SLC2A9: variants seen among roughly 807,000 people sequenced by gnomAD.
The protein encoded by SLC2A9 is solute carrier family 2 member 9.
SLC2A9 carries 39 observed loss-of-function variants against 50.6 expected under a neutral mutation model. The observed-to-expected ratio is 0.77, with a 90% confidence interval of 0.60 to 1.01. SLC2A9 has a LOEUF of 1.01. Ranked by LOEUF, SLC2A9 falls within the 50% of genes least tolerant of loss-of-function variation. The probability of loss-of-function intolerance (pLI) is 0.00; values close to 1 mark genes in which losing one functional copy is unlikely to be tolerated. For missense variants in SLC2A9, 686 were observed against 677.6 expected (o/e 1.01, Z -0.14); for synonymous variants, 324 against 276.9 (o/e 1.17, Z -1.69).
At chr4:9,955,217 G>A (rs1384409954) in intron 5 of SLC2A9, among the ~76,000 whole-genome samples, 1 of 43,452 alleles carries the variant, frequency 2.3e-5, no homozygotes, top group Non-Finnish European at 4.5e-5. Context: ...AGTCGGCCGG[G>A]CGCGGTGGCT....
rs771252628 is a variant in SLC2A9 at position 9,782,076 on chromosome 4, C to T, written n.386-2011G>A. On this transcript the variant is annotated intron_variant and non_coding_transcript_variant, in intron 3 of 3. Coordinates refer to the SLC2A9 transcript ENST00000503803. Reference sequence around the variant, plus strand: ...GGCACCGCGTACCCGGGGCAGTTCGCTCTATACCAGCAGCTGGCGCAGGGG... The same window carrying T: ...GGCACCGCGTACCCGGGGCAGTTCGTTCTATACCAGCAGCTGGCGCAGGGG... 3 of 1,514,844 alleles carry T rather than the reference C, an allele frequency of 2.0e-6. No individual in the cohort carries two copies. Among genetic ancestry groups the T allele is most frequent in the South Asian group, 1.3e-5 (1 of 75,668 alleles). 93.8% of individuals were successfully genotyped at this position (1,514,844 alleles called of 1,614,324 possible).
At chr4:9,972,578 T>G (rs1288967517) in intron 5 of SLC2A9, among the ~76,000 whole-genome samples, 1 of 152,122 alleles carries the variant, frequency 6.6e-6, no homozygotes, top group Non-Finnish European at 1.5e-5. Flanking sequence ...TCAAAAGAAT[T>G]AAACTCATAC....
intron 1 of SLC2A9, among the ~76,000 whole-genome samples, chr4:10,020,037 TGA>T (rs1259164885): frequency 8.7e-6 from 1 of 115,512 alleles, no homozygotes; most frequent in Non-Finnish European, 1.8e-5. Flanking sequence ...GACATATTTG[TGA>T]GTGTGTGTGT....
chr4:9,780,016 A>G (rs377635823), exon 4 of SLC2A9: 3 of 152,648 alleles, frequency 2.0e-5, no homozygotes, highest in East Asian at 3.9e-4. Context: ...TGGTGGCGGC[A>G]GCTTGAATCC....
intron 3 of SLC2A9, among the ~76,000 whole-genome samples, chr4:9,802,426 C>T (rs992901009): frequency 5.3e-5 from 8 of 151,992 alleles, no homozygotes; most frequent in African/African-American, 1.7e-4. Context: ...CAGCGCCATA[C>T]TTGGGAAGGA....
chr4:10,020,039 A>AGTGTGTGTGT (rs112964589), intron 1 of SLC2A9, among the ~76,000 whole-genome samples: 6,813 of 148,022 alleles, frequency 0.046, 197 homozygotes, highest in Non-Finnish European at 0.071. Flanking sequence ...CATATTTGTG[A>AGTGTGTGTGT]GTGTGTGTGT....
intron 10 of SLC2A9, among the ~76,000 whole-genome samples, chr4:9,835,918 C>T (rs1726999683): frequency 6.6e-6 from 1 of 151,790 alleles, no homozygotes; most frequent in Non-Finnish European, 1.5e-5. Flanking sequence ...GAAACCCCAT[C>T]TCTACTAAAA....
At chr4:9,928,351 C>T (rs1745287435) in intron 6 of SLC2A9, among the ~76,000 whole-genome samples, 1 of 152,164 alleles carries the variant, frequency 6.6e-6, no homozygotes, top group African/African-American at 2.4e-5. Flanking sequence ...AAGTAGCAAC[C>T]TTTTATAAGA....
Position 9,782,280 on chromosome 4 carries a change from C to T in SLC2A9, n.386-2215G>A. On this transcript the variant is annotated intron_variant and non_coding_transcript_variant, in intron 3 of 3. Transcript: ENST00000503803. ...ACCAACGTCTTCATCGTGTCTCTGG[C>T]CGTGTCAGACCTTTTCGTGGCGCTG... 2 of 1,613,948 alleles carry T rather than the reference C, an allele frequency of 1.2e-6. No homozygotes were observed. The highest frequency in any genetic ancestry group is 2.2e-5 in the East Asian group (1 of 44,884).
At position 9,885,070 on chromosome 4, in the gene SLC2A9, T is replaced by C. The variant is rs182854215; in HGVS notation, c.1291+2497A>G. On this transcript the variant is annotated intron_variant, in intron 10 of 11. Transcript: ENST00000264784. ...ATCAGGAAAAATAGCTAATGCAGGC[T>C]GGGCTTAATACCTTAATTGCTGTCG... is the stretch of plus-strand genomic sequence containing the variant. 2.6e-3 allele frequency among the ~76,000 whole-genome samples: 392 copies of C among 152,254 alleles called. 3 individuals carry two copies. Among genetic ancestry groups the C allele is most frequent in the African/African-American group, 9.1e-3 (380 of 41,542 alleles).
rs184615219 is a variant in SLC2A9, at chr4:9,907,101, G to A, written c.1113+1134C>T. On this transcript the variant is annotated intron_variant, in intron 8 of 11. Coordinates refer to ENST00000264784, the MANE Select transcript of SLC2A9 (RefSeq NM_020041.3). ...ATCAATCTTGTCAGTGCAAATCAGT[G>A]AGCAAGAGTGAAAATAAATGAACTA... 2.6e-5 allele frequency among the ~76,000 whole-genome samples: 4 copies of A among 152,354 alleles called. No homozygotes were observed. The East Asian group carries it at 7.7e-4, about 29-fold the overall frequency.
chr4:9,809,537 C>G (rs1415235535), intron 3 of SLC2A9, among the ~76,000 whole-genome samples: 1 of 152,290 alleles, frequency 6.6e-6, no homozygotes, highest in Middle Eastern at 3.4e-3. Context: ...CGTGGAAAGG[C>G]TGGAGAGAAG....
intron 1 of SLC2A9, chr4:9,771,488 G>T (rs1203702908): frequency 2.5e-6 from 1 of 398,704 alleles, no homozygotes; most frequent in Non-Finnish European, 4.4e-6. Context: ...CAACACAACT[G>T]CCAAAGAGTC....
At chr4:9,954,573 T>G (rs1750878897) in intron 5 of SLC2A9, among the ~76,000 whole-genome samples, 1 of 152,190 alleles carries the variant, frequency 6.6e-6, no homozygotes, top group Admixed American at 6.5e-5. Flanking sequence ...TTTTTCTCCC[T>G]CTTCCTCTGG....
intron 10 of SLC2A9, among the ~76,000 whole-genome samples, chr4:9,881,877 G>C (rs1389096628): frequency 2.6e-5 from 4 of 152,182 alleles, no homozygotes; most frequent in Admixed American, 6.5e-5. Context: ...CCCCTGGAAG[G>C]TTTCCTCATC....
intron 3 of SLC2A9, chr4:9,782,710 C>G: frequency 6.2e-7 from 1 of 1,614,032 alleles, no homozygotes; most frequent in South Asian, 1.1e-5. Flanking sequence ...CCTACGCCAT[C>G]TCTTCCTCGC....
intron 3 of SLC2A9, among the ~76,000 whole-genome samples, chr4:9,800,536 G>A (rs568305917): frequency 7.9e-5 from 12 of 152,218 alleles, no homozygotes; most frequent in South Asian, 2.1e-4. Flanking sequence ...CCTTGGTCTC[G>A]GACATCTATC....
intron 5 of SLC2A9, among the ~76,000 whole-genome samples, chr4:9,969,143 T>C (rs1325403805): frequency 6.6e-6 from 1 of 152,176 alleles, no homozygotes; most frequent in African/African-American, 2.4e-5. Context: ...AGATATTAAA[T>C]AATTAGGCTT....
chr4:9,844,685 G>A (rs1976792), intron 10 of SLC2A9, among the ~76,000 whole-genome samples: 20,562 of 152,246 alleles, frequency 0.14, 1,699 homozygotes, highest in Admixed American at 0.23. Flanking sequence ...TGGCGACAGC[G>A]CCCTGGTGTC....
Sources: allele counts gnomAD v4.1 joint callset (sites outside exome capture counted in the v4.1 genomes callset), GRCh38; gene constraint gnomAD v4.1.1; transcripts MANE v1.5; gene names NCBI Gene and HGNC (gene_info 2026-07-23, HGNC 2026-07-21).